Variants in ERICH1 observed in about 807,000 individuals in gnomAD.
ERICH1 encodes glutamate rich 1.
A neutral mutation model predicts 39.6 loss-of-function variants in ERICH1; 56 were observed. The ratio of observed to expected loss-of-function variants is 1.41; its 90% CI spans 1.14 to 1.77. ERICH1 has a LOEUF of 1.77. ERICH1 is among the 40% of genes most tolerant of loss of function. The pLI is 0.00. For synonymous variants in ERICH1, 313 were observed against 223.6 expected (o/e 1.40, Z -3.57); for missense variants, 826 against 575.4 (o/e 1.44, Z -4.45).
At chr8:630,370 C>T (rs368411590) in intron 3 of ERICH1, among the ~76,000 whole-genome samples, 128 of 142,302 alleles carry the variant, frequency 9.0e-4, no homozygotes, top group South Asian at 2.4e-3. Context: ...TGACTCACAC[C>T]CTCCTGTGAC....
At chr8:730,949 G>C (rs1338235967) in intron 1 of ERICH1, among the ~76,000 whole-genome samples, 191 bp downstream of exon 1, 1 of 152,170 alleles carries the variant, frequency 6.6e-6, no homozygotes, top group Non-Finnish European at 1.5e-5. Context: ...GCAACAACAC[G>C]GGCGAGGGGT....
chr8:632,553 A>T (rs1442795449), intron 3 of ERICH1, among the ~76,000 whole-genome samples: 14 of 152,224 alleles, frequency 9.2e-5, no homozygotes. Context: ...GAATAGAATA[A>T]CAAAAGGTAA....
At chr8:634,615 C>A (rs968092007) in intron 3 of ERICH1, among the ~76,000 whole-genome samples, 2 of 152,132 alleles carry the variant, frequency 1.3e-5, no homozygotes, top group African/African-American at 4.8e-5. Context: ...AGTAGGTGCC[C>A]ACTGTGTGCG....
At chr8:682,550 C>T (rs1330276175) in intron 3 of ERICH1, among the ~76,000 whole-genome samples, 1 of 152,204 alleles carries the variant, frequency 6.6e-6, no homozygotes, top group Non-Finnish European at 1.5e-5. Flanking sequence ...GAGGTCTACG[C>T]CCTTCACACC....
intron 2 of ERICH1, among the ~76,000 whole-genome samples, chr8:712,191 T>G (rs1312538586): frequency 6.6e-6 from 1 of 152,244 alleles, no homozygotes; most frequent in African/African-American, 2.4e-5. Context: ...AATAACTTGC[T>G]GGGATATTAA....
chr8:679,929 G>A (rs1287438225), intron 3 of ERICH1, among the ~76,000 whole-genome samples: 10 of 37,722 alleles, frequency 2.7e-4, no homozygotes, highest in East Asian at 2.3e-3. Context: ...CCACCCCTGT[G>A]AACACAGAAA....
intron 3 of ERICH1, among the ~76,000 whole-genome samples, chr8:655,772 A>G (rs1006484968): frequency 1.6e-5 from 2 of 124,868 alleles, no homozygotes; most frequent in Non-Finnish European, 3.6e-5. Context: ...CACGGTAGAC[A>G]GTGTATTATT....
At chr8:680,957 A>T (rs1463202736) in intron 3 of ERICH1, among the ~76,000 whole-genome samples, 1 of 152,216 alleles carries the variant, frequency 6.6e-6, no homozygotes, top group Non-Finnish European at 1.5e-5. Context: ...CCTGGTGGTG[A>T]CGGACACATT....
chr8:683,607 T>C (rs1806647362), intron 3 of ERICH1, among the ~76,000 whole-genome samples: 1 of 152,208 alleles, frequency 6.6e-6, no homozygotes, highest in African/African-American at 2.4e-5. Context: ...CTCCCCCGGC[T>C]CCATGCCAGC....
chr8:690,411 C>G (rs1808638017), intron 3 of ERICH1, among the ~76,000 whole-genome samples: 1 of 152,264 alleles, frequency 6.6e-6, no homozygotes, highest in Non-Finnish European at 1.5e-5. Flanking sequence ...TCAGTGAGCA[C>G]TAAATCTCCA....
rs1563155242 is a variant in ERICH1, at chr8:615,234, CCTCT to C, written c.1023_1026del (p.Glu342GlyfsTer9). 2 of 695,646 alleles carry C rather than the reference CCTCT, an allele frequency of 2.9e-6. No homozygotes were observed. Among genetic ancestry groups the C allele is most frequent in the Non-Finnish European group, 5.2e-6 (2 of 382,642 alleles). 43.1% of individuals were successfully genotyped at this position (695,646 alleles called of 1,614,324 possible). On this transcript the variant is annotated frameshift_variant, in exon 4 of 4. Coordinates refer to the ERICH1 transcript ENST00000522706. LOFTEE classifies it high-confidence loss of function. ...AGCACCACAGCTGGTTAAGGCAGCCCCTCTCTCTTTCCTCTTCTTATTTTCTTGG... is the reference window on the plus strand; with the variant it reads ...AGCACCACAGCTGGTTAAGGCAGCCCCTCTTTCCTCTTCTTATTTTCTTGG...
At chr8:730,396 T>C (rs1363113032) in intron 1 of ERICH1, among the ~76,000 whole-genome samples, 3 of 152,112 alleles carry the variant, frequency 2.0e-5, no homozygotes, top group African/African-American at 7.2e-5. Flanking sequence ...GTTTTAAACA[T>C]AGAGAAGGAA....
At chr8:723,459 C>T (rs1348064232) in intron 1 of ERICH1, among the ~76,000 whole-genome samples, 1 of 152,210 alleles carries the variant, frequency 6.6e-6, no homozygotes, top group Non-Finnish European at 1.5e-5. Flanking sequence ...GAAATTTCCA[C>T]CATGGCCAGC....
intron 1 of ERICH1, among the ~76,000 whole-genome samples, chr8:722,904 T>C (rs1332576620): frequency 6.6e-6 from 1 of 152,158 alleles, no homozygotes; most frequent in Non-Finnish European, 1.5e-5. Flanking sequence ...AGACCACAAA[T>C]ATTCACGAGT....
intron 3 of ERICH1, chr8:615,456 G>C (rs1796857009): frequency 4.2e-6 from 2 of 476,836 alleles, no homozygotes; most frequent in East Asian, 6.7e-5. Context: ...GGTCACAATA[G>C]TGCCTGGGGT....
intron 5 of ERICH1, chr8:668,301 G>A (rs1272706751): frequency 2.3e-6 from 1 of 426,296 alleles, no homozygotes; most frequent in East Asian, 4.8e-5. Flanking sequence ...AAGGAAAAGA[G>A]GAAGAAATGA....
intron 2 of ERICH1, among the ~76,000 whole-genome samples, chr8:704,763 A>T (rs1051300682): frequency 6.6e-6 from 1 of 152,186 alleles, no homozygotes; most frequent in East Asian, 1.9e-4. Context: ...GCCAAAAAAG[A>T]AAGAAAAAGA....
In ERICH1 at chr8:699,848, C is replaced by T. The variant is rs1317025672; in HGVS notation, c.170-7236G>A. 7.5e-4 allele frequency among the ~76,000 whole-genome samples: 84 copies of T among 111,528 alleles called. 1 individual carries two copies. Among genetic ancestry groups the T allele is most frequent in the Non-Finnish European group, 1.2e-3 (61 of 51,392 alleles). 73.2% of individuals were successfully genotyped at this position (111,528 alleles called of 152,430 possible). A position where few individuals can be genotyped will look rare whatever the true frequency, so the allele number is the denominator to read the frequency against. The stretch of plus-strand genomic sequence containing the variant: ...GCACAGACCCGCACAGGCGCACAGA[C>T]CCGCACACGCGCACAGACCCTCACA... On this transcript the variant is annotated intron_variant, in intron 2 of 5. Coordinates refer to ENST00000262109, the MANE Select transcript of ERICH1 (RefSeq NM_207332.3).
chr8:678,610 C>G lies in ERICH1; in HGVS notation c.305-4563G>C, dbSNP rs1215522596. 2.0e-5 allele frequency among the ~76,000 whole-genome samples: 3 copies of G among 152,248 alleles called. 1 individual carries two copies. The highest frequency in any genetic ancestry group is 2.0e-4 in the Admixed American group (3 of 15,296). On this transcript the variant is annotated intron_variant, in intron 3 of 5. Transcript: ENST00000262109. ...GGATCACGAGGTCAGGAGATTGAGACCATCCTGGCTAACACGGTGAAACCC... is the reference window on the plus strand; with the variant it reads ...GGATCACGAGGTCAGGAGATTGAGAGCATCCTGGCTAACACGGTGAAACCC...
Sources: gnomAD v4.1 joint callset for allele counts (sites outside exome capture counted in the v4.1 genomes callset) on GRCh38, gnomAD v4.1.1 for gene constraint, MANE v1.5 for transcripts, NCBI Gene and HGNC (gene_info 2026-07-23, HGNC 2026-07-21) for gene names.